Variants in JMJD1C observed in about 807,000 individuals in gnomAD.
JMJD1C encodes the protein jumonji domain-containing protein 1C.
Under a neutral mutation model 245.3 loss-of-function variants are expected in JMJD1C, and 31 were observed. The ratio of observed to expected loss-of-function variants is 0.13; its 90% CI spans 0.09 to 0.17. The LOEUF is 0.17. JMJD1C is among the 10% of genes least tolerant of loss of function. The probability of loss-of-function intolerance (pLI) is 1.00; values close to 1 mark genes in which losing one functional copy is unlikely to be tolerated. For synonymous variants in JMJD1C, 1,057 were observed against 1,017.4 expected (o/e 1.04, Z -0.74); for missense variants, 2,691 against 3,000.2 (o/e 0.90, Z 2.41).
At chr10:63,416,847 CT>C (rs1307917131) in intron 1 of JMJD1C, among the ~76,000 whole-genome samples, 5 of 152,188 alleles carry the variant, frequency 3.3e-5, no homozygotes, top group Admixed American at 3.3e-4. Flanking sequence ...TCTAATTTTC[CT>C]TTGGTAAAAA....
At chr10:63,186,916 G>T (rs1402710629) in intron 18 of JMJD1C, among the ~76,000 whole-genome samples, 1 of 152,098 alleles carries the variant, frequency 6.6e-6, no homozygotes, top group African/African-American at 2.4e-5. Context: ...TACTAGGCTG[G>T]GTGTAGCAAT....
In JMJD1C at chr10:63,380,362, G is replaced by C; in HGVS notation, c.289C>G (p.Gln97Glu). The stretch of plus-strand genomic sequence containing the variant: ...TGTTTGCTCTTTGATCCCTGAGTCT[G>C]GCTAGGGTCATTCCTTTTGGCCCAG... The part of the protein sequence containing the change: ...LIWAKRNDPS[Q>E]TQGSKSKQIQ... The change falls in exon 2 of 26, where the codon CAG becomes GAG. Residue 97 changes from glutamine (Q) to glutamate (E), a missense_variant. Coordinates refer to ENST00000399262, the MANE Select transcript of JMJD1C (RefSeq NM_032776.3). 2 of 1,613,960 alleles carry C rather than the reference G, an allele frequency of 1.2e-6. No individual in the cohort carries two copies. Among genetic ancestry groups the C allele is most frequent in the Non-Finnish European group, 1.7e-6 (2 of 1,179,916 alleles).
At chr10:63,209,261 A>C (rs761791773) in intron 8 of JMJD1C, 26 bp from the exon 9 acceptor site, 4 of 1,573,224 alleles carry the variant, frequency 2.5e-6, no homozygotes, top group South Asian at 1.2e-5. Context: ...AACAAAAAAA[A>C]CACCTAGATT....
chr10:63,464,356 A>C (rs1401025099), intron 1 of JMJD1C, among the ~76,000 whole-genome samples: 1 of 152,216 alleles, frequency 6.6e-6, no homozygotes, highest in Non-Finnish European at 1.5e-5. Flanking sequence ...AAACTATTAA[A>C]ATAGGTAGGT....
intron 2 of JMJD1C, among the ~76,000 whole-genome samples, chr10:63,294,153 G>A (rs947540654): frequency 6.6e-6 from 1 of 152,034 alleles, no homozygotes; most frequent in Non-Finnish European, 1.5e-5. Context: ...CTGCTTTCCA[G>A]ATTCATAGTT....
chr10:63,447,218 T>G (rs770891148), intron 1 of JMJD1C, among the ~76,000 whole-genome samples: 1 of 152,286 alleles, frequency 6.6e-6, no homozygotes, highest in African/African-American at 2.4e-5. Flanking sequence ...CAGCCTCCCA[T>G]AGAGCACATC....
intron 1 of JMJD1C, among the ~76,000 whole-genome samples, chr10:63,423,685 T>C (rs1046396086): frequency 6.6e-6 from 1 of 152,232 alleles, no homozygotes; most frequent in Admixed American, 6.5e-5. Flanking sequence ...AGTCATATGG[T>C]AATTCCATGT....
At chr10:63,342,913 T>C (rs972712955) in intron 2 of JMJD1C, among the ~76,000 whole-genome samples, 2 of 152,198 alleles carry the variant, frequency 1.3e-5, no homozygotes, top group African/African-American at 4.8e-5. Flanking sequence ...ATAAGGTGTA[T>C]ACAAAATATA....
chr10:63,370,898 A>C (rs1366972512), intron 2 of JMJD1C, among the ~76,000 whole-genome samples: 1 of 152,206 alleles, frequency 6.6e-6, no homozygotes, highest in Admixed American at 6.5e-5. Flanking sequence ...AGGAAATAAT[A>C]GTTGTTTTTT....
chr10:63,510,742 A>C (rs1454662730), intron 1 of JMJD1C, among the ~76,000 whole-genome samples: 1 of 152,140 alleles, frequency 6.6e-6, no homozygotes, highest in Non-Finnish European at 1.5e-5. Context: ...CTATGTCTTT[A>C]TTGATTTTTT....
intron 3 of JMJD1C, among the ~76,000 whole-genome samples, chr10:63,245,130 T>C (rs1852009336): frequency 2.8e-5 from 1 of 36,010 alleles, no homozygotes. Flanking sequence ...TGAGACTCTG[T>C]CTCAAAAAAA....
intron 1 of JMJD1C, among the ~76,000 whole-genome samples, chr10:63,420,147 A>G (rs894580452): frequency 2.0e-5 from 3 of 151,732 alleles, no homozygotes; most frequent in Non-Finnish European, 4.4e-5. Context: ...AAAAAAAAAA[A>G]TCACCCCAGA....
chr10:63,479,219 C>T (rs1018269862), intron 1 of JMJD1C, among the ~76,000 whole-genome samples: 2 of 151,118 alleles, frequency 1.3e-5, no homozygotes, highest in African/African-American at 4.9e-5. Context: ...GAATGAATAC[C>T]CACATACCCT....
chr10:63,168,155 T>C, intron 25 of JMJD1C, 21 bp from the exon 26 acceptor site: 1 of 1,458,148 alleles, frequency 6.9e-7, no homozygotes. Flanking sequence ...TGTTGATATT[T>C]CTAATCACTT....
intron 2 of JMJD1C, among the ~76,000 whole-genome samples, chr10:63,372,230 T>C (rs1401078934): frequency 3.9e-5 from 6 of 152,202 alleles, no homozygotes; most frequent in Admixed American, 1.3e-4. Context: ...CAATTCCTGG[T>C]TGAACCAGAA....
At chr10:63,220,305 A>G (rs1848450125) in intron 3 of JMJD1C, among the ~76,000 whole-genome samples, 1 of 152,244 alleles carries the variant, frequency 6.6e-6, no homozygotes, top group Admixed American at 6.5e-5. Context: ...TACAAATGAA[A>G]TAACATCAGG....
intron 1 of JMJD1C, among the ~76,000 whole-genome samples, chr10:63,389,551 TAACA>T (rs1337849147): frequency 2.6e-5 from 4 of 151,116 alleles, no homozygotes; most frequent in Non-Finnish European, 4.4e-5. Flanking sequence ...CAAATGGACC[TAACA>T]AACATTTATA....
chr10:63,234,493 TAAAAAAAAAAAAAA>T (rs71025129), intron 3 of JMJD1C, among the ~76,000 whole-genome samples: 7 of 37,026 alleles, frequency 1.9e-4, no homozygotes, highest in African/African-American at 4.5e-4. Flanking sequence ...AACCTCCTCT[TAAAAAAAAAAAAAA>T]AAAAAAAAAA....
At chr10:63,332,956 C>A (rs558949574) in intron 2 of JMJD1C, among the ~76,000 whole-genome samples, 12 of 152,070 alleles carry the variant, frequency 7.9e-5, no homozygotes, top group South Asian at 2.1e-4. Context: ...ACAATACATA[C>A]CATGAATAAC....
Sources: gnomAD v4.1 joint callset for allele counts (sites outside exome capture counted in the v4.1 genomes callset) on GRCh38, gnomAD v4.1.1 for gene constraint, MANE v1.5 for transcripts, NCBI Gene and HGNC (gene_info 2026-07-23, HGNC 2026-07-21) for gene names.